SYCP1: variants seen among roughly 807,000 people sequenced by gnomAD.
SYCP1 encodes the protein synaptonemal complex protein 1.
Under a neutral mutation model 153.1 loss-of-function variants are expected in SYCP1, and 64 were observed. The observed-to-expected ratio is 0.42, with a 90% confidence interval of 0.34 to 0.51. The LOEUF is 0.51. Ranked by LOEUF, SYCP1 falls within the 20% of genes least tolerant of loss-of-function variation. SYCP1 has a pLI of 0.06. For missense variants in SYCP1, 997 were observed against 1,049.0 expected, an observed-to-expected ratio of 0.95 and a Z score of 0.68; for synonymous variants, 384 against 341.8, an observed-to-expected ratio of 1.12 and a Z score of -1.36.
chr1:114,903,122 GT>G, intron 16 of SYCP1, among the ~76,000 whole-genome samples: 1 of 152,338 alleles, frequency 6.6e-6, no homozygotes, highest in Non-Finnish European at 1.5e-5. Context: ...GGAGGTTGCA[GT>G]GAGCTGAGAT....
chr1:114,957,848 G>A (rs796483327), intron 27 of SYCP1, among the ~76,000 whole-genome samples: 7 of 152,238 alleles, frequency 4.6e-5, no homozygotes, highest in African/African-American at 1.7e-4. Context: ...GTGTAAATTG[G>A]TACAGCCATT....
At chr1:114,983,117 G>GCCTT (rs1673273593) in intron 29 of SYCP1, among the ~76,000 whole-genome samples, 1 of 151,936 alleles carries the variant, frequency 6.6e-6, no homozygotes. Context: ...TGACAACTCT[G>GCCTT]CCTTAGCTTT....
intron 26 of SYCP1, 27 bp downstream of exon 26, chr1:114,946,408 C>G: frequency 6.9e-7 from 1 of 1,440,282 alleles, no homozygotes; most frequent in East Asian, 2.6e-5. Flanking sequence ...ATTGCAGTAA[C>G]GGCCAGTTTT....
Position 114,944,967 on chromosome 1 carries a change from T to TA in SYCP1, c.2140dup (p.Met714AsnfsTer5). 6.3e-7 allele frequency: 1 copy of TA among 1,584,274 alleles called. No homozygotes were observed. Among genetic ancestry groups the TA allele is most frequent in the Non-Finnish European group, 8.5e-7 (1 of 1,170,092 alleles). ...ATAAAATAGCTGAAATGGTAGCACT[T>TA]ATGGAAAAACATAAGGTAATTTTTT... is the stretch of plus-strand genomic sequence containing the variant. On this transcript the variant is annotated frameshift_variant, in exon 25 of 32. Coordinates refer to ENST00000369522, the MANE Select transcript of SYCP1 (RefSeq NM_003176.4). LOFTEE classifies it high-confidence loss of function.
At chr1:114,862,099 C>A (rs928824252) in intron 8 of SYCP1, among the ~76,000 whole-genome samples, 2 of 152,018 alleles carry the variant, frequency 1.3e-5, no homozygotes, top group Non-Finnish European at 2.9e-5. Flanking sequence ...CTGCACCCGG[C>A]CAGGATTTTT....
chr1:114,907,445 C>T (rs528324127), intron 16 of SYCP1, among the ~76,000 whole-genome samples: 5 of 151,978 alleles, frequency 3.3e-5, no homozygotes, highest in East Asian at 1.9e-4. Context: ...TTTGGCATTC[C>T]GTTTTAATGT....
intron 6 of SYCP1, 34 bp from the exon 7 acceptor site, chr1:114,859,709 A>G (rs1214975091): frequency 2.0e-6 from 2 of 1,002,788 alleles, no homozygotes; most frequent in Non-Finnish European, 2.6e-6. Context: ...GCTAATAAGC[A>G]AAATGGGATG....
At chr1:114,988,111 A>G (rs1221485607) in intron 30 of SYCP1, among the ~76,000 whole-genome samples, 1 of 151,108 alleles carries the variant, frequency 6.6e-6, no homozygotes, top group African/African-American at 2.4e-5. Flanking sequence ...AAGAAAAGAA[A>G]AGAAAAGTGA....
intron 8 of SYCP1, among the ~76,000 whole-genome samples, chr1:114,864,516 T>A (rs990517799): frequency 1.3e-5 from 2 of 152,020 alleles, no homozygotes; most frequent in African/African-American, 4.8e-5. Context: ...GGTGGGGTGG[T>A]CTCACACTGT....
At chr1:114,861,566 C>T (rs28375146) in intron 8 of SYCP1, among the ~76,000 whole-genome samples, 3,939 of 152,018 alleles carry the variant, frequency 0.026, 174 homozygotes, top group African/African-American at 0.09. Flanking sequence ...ATTAGATAGC[C>T]GGTGCTCAAA....
intron 12 of SYCP1, among the ~76,000 whole-genome samples, chr1:114,879,404 T>G (rs1349648409): frequency 6.6e-6 from 1 of 152,206 alleles, no homozygotes; most frequent in Non-Finnish European, 1.5e-5. Context: ...TGAAATAATT[T>G]AACTTCATCT....
At chr1:114,898,244 G>T (rs1667188689) in intron 16 of SYCP1, among the ~76,000 whole-genome samples, 1 of 152,152 alleles carries the variant, frequency 6.6e-6, no homozygotes, top group Admixed American at 6.5e-5. Flanking sequence ...TAACACTGTG[G>T]AACTGAGTTT....
chr1:114,881,054 T>TACACACACACACAC (rs199813501), intron 12 of SYCP1, among the ~76,000 whole-genome samples: 1 of 77,868 alleles, frequency 1.3e-5, no homozygotes, highest in Non-Finnish European at 2.7e-5. Context: ...AATTTGTGTA[T>TACACACACACACAC]ATACACACAC....
intron 27 of SYCP1, among the ~76,000 whole-genome samples, chr1:114,958,660 C>T (rs1336214103): frequency 1.3e-5 from 2 of 151,468 alleles, no homozygotes; most frequent in African/African-American, 4.9e-5. Flanking sequence ...GTGGCCCATG[C>T]CTGTAATCCC....
At chr1:114,929,885 A>G (rs1669515202) in intron 23 of SYCP1, among the ~76,000 whole-genome samples, 1 of 152,116 alleles carries the variant, frequency 6.6e-6, no homozygotes, top group Non-Finnish European at 1.5e-5. Flanking sequence ...CTATATCTGC[A>G]ACTATAAATT....
intron 27 of SYCP1, among the ~76,000 whole-genome samples, chr1:114,952,905 G>C (rs985003116): frequency 6.6e-6 from 1 of 152,094 alleles, no homozygotes; most frequent in African/African-American, 2.4e-5. Context: ...CTTGAGACTG[G>C]GTAATTTATA....
intron 13 of SYCP1, 125 bp downstream of exon 13, chr1:114,885,754 C>A: frequency 1.7e-6 from 1 of 576,262 alleles, no homozygotes; most frequent in Non-Finnish European, 3.0e-6. Context: ...AAGACACAAT[C>A]CTAGTCTGCA....
chr1:114,959,336 C>T (rs866244373), intron 27 of SYCP1, among the ~76,000 whole-genome samples: 1 of 151,840 alleles, frequency 6.6e-6, no homozygotes, highest in South Asian at 2.1e-4. Flanking sequence ...GTATATAATC[C>T]CCATTTTATT....
In SYCP1 at chr1:114,857,238, C is replaced by T. The variant is rs1557747452; in HGVS notation, c.200C>T (p.Ala67Val). 1 of 1,595,106 alleles carries T rather than the reference C, an allele frequency of 6.3e-7. No individual in the cohort carries two copies. Among genetic ancestry groups the T allele is most frequent in the South Asian group, 1.1e-5 (1 of 87,576 alleles). ...KNGENIDSDP[A>V]LQKVNFLPVL... ...GTTGTCTTTTATCTTGCAGATCCTG[C>T]TTTACAAAAAGTTAATTTCTTGCCC... is the stretch of plus-strand genomic sequence containing the variant. Residue 67 changes from alanine to valine, a missense_variant, in exon 4 of 32, where the codon GCT (alanine) becomes GTT (valine). Physicochemically the swap from Ala to Val is moderately conservative, Grantham distance 64. Coordinates refer to ENST00000369522, the MANE Select transcript of SYCP1 (RefSeq NM_003176.4).
Sources: allele counts gnomAD v4.1 joint callset (sites outside exome capture counted in the v4.1 genomes callset), GRCh38; gene constraint gnomAD v4.1.1; transcripts MANE v1.5; gene names NCBI Gene and HGNC (gene_info 2026-07-23, HGNC 2026-07-21).